The following RPS6KA3 variants were observed in gnomAD, a reference collection of about 807,000 sequenced individuals.
RPS6KA3 encodes the protein ribosomal protein S6 kinase A3.
In RPS6KA3, 4 loss-of-function variants were observed where a neutral mutation model predicts 67.2. The observed-to-expected ratio is 0.06, with a 90% confidence interval of 0.03 to 0.14. The LOEUF (loss-of-function observed/expected upper bound fraction) is 0.14. Among genes scored for constraint, RPS6KA3 ranks in the 10% least tolerant of loss-of-function variants. The pLI, the probability that RPS6KA3 is intolerant of heterozygous loss-of-function variation, is 1.00. For missense variants in RPS6KA3, 204 were observed against 559.0 expected, an observed-to-expected ratio of 0.36 and a Z score of 6.40; for synonymous variants, 182 against 183.7, an observed-to-expected ratio of 0.99 and a Z score of 0.07.
At chrX:20,219,619 T>G (rs894290260) in intron 2 of RPS6KA3, among the ~76,000 whole-genome samples, 1 of 111,779 alleles carries the variant, frequency 8.9e-6, no homozygotes, top group African/African-American at 3.2e-5. Flanking sequence ...AGTCCAATCC[T>G]TGGGTTATTA....
chrX:20,249,988 G>A lies in RPS6KA3; in HGVS notation c.70-15174C>T, dbSNP rs144454397. Among the ~76,000 whole-genome samples, 12 of 112,127 alleles carry A rather than the reference G, an allele frequency of 1.1e-4. No individual in the cohort carries two copies. The East Asian group carries it at 2.5e-3, about 23-fold the overall frequency. On this transcript the variant is annotated intron_variant, in intron 1 of 21. Transcript: ENST00000379565. ...TACCTATAGGTGTGCAATAGCTCCA[G>A]ACACCATTGTTGAAAAGGCTATTTA... is the stretch of plus-strand genomic sequence containing the variant.
rs191213816 is a variant in RPS6KA3 at position 20,208,285 on chromosome X, C to A, written c.243+1003G>T. On this transcript the variant is annotated intron_variant, in intron 3 of 21. Transcript: ENST00000379565. ...GCAATGCTCACCCGGGGGTTGGGGA[C>A]CCCTGGTCTAAACAGATCAAGCAGT... Among the ~76,000 whole-genome samples the A allele has an allele frequency of 1.6e-3, 178 of 110,567 alleles. 2 individuals carry two copies. The highest frequency in any genetic ancestry group is 5.6e-3 in the African/African-American group (172 of 30,446).
At chrX:20,235,874 A>G (rs1313365571) in intron 1 of RPS6KA3, among the ~76,000 whole-genome samples, 2 of 112,081 alleles carry the variant, frequency 1.8e-5, no homozygotes, top group Admixed American at 9.4e-5. Flanking sequence ...AATGCTCACC[A>G]TAACTTTTAT....
At chrX:20,263,187 A>G (rs1451466047) in intron 1 of RPS6KA3, among the ~76,000 whole-genome samples, 1 of 111,852 alleles carries the variant, frequency 8.9e-6, no homozygotes, top group Non-Finnish European at 1.9e-5. Context: ...TGAAAACTTC[A>G]TATTTAGATT....
chrX:20,210,471 C>A (rs1230563097), intron 2 of RPS6KA3, among the ~76,000 whole-genome samples: 1 of 111,435 alleles, frequency 9.0e-6, no homozygotes, highest in Non-Finnish European at 1.9e-5. Context: ...CATTTGCATT[C>A]AATTAACATT....
At chrX:20,169,285 C>T (rs2067516850) in intron 16 of RPS6KA3, 117 bp downstream of exon 16, 1 of 565,192 alleles carries the variant, frequency 1.8e-6, no homozygotes, top group Non-Finnish European at 3.1e-6. Context: ...CAGGCGTGGG[C>T]CACTGTGCCC....
intron 1 of RPS6KA3, among the ~76,000 whole-genome samples, chrX:20,262,783 A>AT (rs199702336): frequency 4.5e-5 from 5 of 111,186 alleles, no homozygotes; most frequent in Non-Finnish European, 7.6e-5. Context: ...ACAATAAAAC[A>AT]TTTTTTTTCA....
intron 17 of RPS6KA3, among the ~76,000 whole-genome samples, chrX:20,167,304 C>T (rs2067465621): frequency 8.9e-6 from 1 of 111,747 alleles, no homozygotes; most frequent in African/African-American, 3.3e-5. Flanking sequence ...GCCTGGTTTT[C>T]ATGAGTACAG....
chrX:20,206,868 A>G (rs1264930112), intron 3 of RPS6KA3, among the ~76,000 whole-genome samples: 1 of 111,448 alleles, frequency 9.0e-6, no homozygotes, highest in Non-Finnish European at 1.9e-5. Context: ...AGCAGGATGG[A>G]GCTTAAGGAC....
intron 1 of RPS6KA3, among the ~76,000 whole-genome samples, chrX:20,259,602 T>A (rs750261534): frequency 3.6e-5 from 4 of 111,409 alleles, no homozygotes; most frequent in Non-Finnish European, 5.7e-5. Flanking sequence ...CAATACTGGA[T>A]CGCGTTACTG....
rs1273791066 is a variant in RPS6KA3 at position 20,266,643 on chromosome X, G to A, written c.-11C>T. 1.1e-5 allele frequency: 12 copies of A among 1,125,751 alleles called. No homozygotes were observed. The Admixed American group carries it at 1.3e-4, about 13-fold the overall frequency. The allele number at this position is 1,125,751 out of a possible 1,213,427, so 92.8% of individuals were successfully genotyped here. ...CTGCGCCAGCGGCATCTTCCCCCCC[G>A]GCCCGCCGCCTTCACCGCCTCCTCC... On this transcript the variant is annotated 5_prime_UTR_variant, in exon 1 of 22. Transcript: ENST00000379565.
chrX:20,266,725 C>T lies in RPS6KA3; in HGVS notation c.-93G>A. On this transcript the variant is annotated 5_prime_UTR_variant, in exon 1 of 22. Transcript: ENST00000379565. ...CGTCGCCGCCCGAGCCCCACGGCAG[C>T]GGCGGCGGCGGCGGCGGCGGCGGCA... is the stretch of plus-strand genomic sequence containing the variant. 1 of 206,330 alleles carries T rather than the reference C, an allele frequency of 4.8e-6. No individual in the cohort carries two copies. The highest frequency in any genetic ancestry group is 5.5e-6 in the Non-Finnish European group (1 of 182,621). 17.0% of individuals were successfully genotyped at this position (206,330 alleles called of 1,213,427 possible). A position where few individuals can be genotyped will look rare whatever the true frequency, so the allele number is the denominator to read the frequency against.
At chrX:20,172,685 C>T in intron 15 of RPS6KA3, 61 bp downstream of exon 15, 1 of 1,028,174 alleles carries the variant, frequency 9.7e-7, no homozygotes, top group Non-Finnish European at 1.3e-6. Context: ...TAATTTTTAA[C>T]TGGTACTGAC....
intron 1 of RPS6KA3, among the ~76,000 whole-genome samples, chrX:20,255,408 T>G (rs2070014194): frequency 1.8e-5 from 2 of 111,880 alleles, no homozygotes; most frequent in Admixed American, 1.9e-4. Flanking sequence ...TAGATAGTGG[T>G]GATGGCTGCA....
chrX:20,198,566 A>C (rs1307262115), intron 4 of RPS6KA3, among the ~76,000 whole-genome samples: 1 of 112,040 alleles, frequency 8.9e-6, no homozygotes, highest in Non-Finnish European at 1.9e-5. Context: ...ATGGCACCTC[A>C]CCCTTTTTAA....
chrX:20,183,747 C>T (rs901844430), intron 10 of RPS6KA3, among the ~76,000 whole-genome samples: 2 of 112,034 alleles, frequency 1.8e-5, no homozygotes, highest in African/African-American at 6.5e-5. Flanking sequence ...TTTGTATTAT[C>T]ATATTAGAAT....
rs201391746 is a variant in RPS6KA3 at position 20,209,428 on chromosome X, G to A, written c.127-24C>T. 1.3e-5 allele frequency: 11 copies of A among 841,742 alleles called. No individual in the cohort carries two copies. In the East Asian group the frequency reaches 2.8e-4, roughly 22 times the overall value. The allele number at this position is 841,742 out of a possible 1,213,427, so 69.4% of individuals were successfully genotyped here. ...TCCTGTTGAGATAAACGTAAGAGGA[G>A]CAAACAGGGTTAGCCAGAGCTATTT... On this transcript the variant is annotated intron_variant, in intron 2 of 21. Transcript: ENST00000379565.
chrX:20,170,217 A>AT (rs2067538965), intron 15 of RPS6KA3, among the ~76,000 whole-genome samples: 1 of 112,408 alleles, frequency 8.9e-6, no homozygotes, highest in South Asian at 3.7e-4. Context: ...TTATATAAAA[A>AT]AGACAAATTT....
At chrX:20,186,573 T>G (rs986960465) in intron 9 of RPS6KA3, among the ~76,000 whole-genome samples, 2 of 111,104 alleles carry the variant, frequency 1.8e-5, no homozygotes, top group Non-Finnish European at 3.8e-5. Context: ...TTTTTTTTTT[T>G]GTAGAAATCA....
Sources: allele counts gnomAD v4.1 joint callset (sites outside exome capture counted in the v4.1 genomes callset), GRCh38; gene constraint gnomAD v4.1.1; transcripts MANE v1.5; gene names NCBI Gene and HGNC (gene_info 2026-07-23, HGNC 2026-07-21).